The following NUBPL variants were observed in gnomAD, a reference collection of about 807,000 sequenced individuals.
The protein encoded by NUBPL is NUBP iron-sulfur cluster assembly factor, mitochondrial, also known as iron-sulfur cluster transfer protein NUBPL.
A neutral mutation model predicts 45.7 loss-of-function variants in NUBPL; 31 were observed. The ratio of observed to expected loss-of-function variants is 0.68; its 90% confidence interval spans 0.51 to 0.92. The LOEUF (loss-of-function observed/expected upper bound fraction) is 0.92, where lower values mean the gene tolerates loss of function less well. NUBPL is among the 40% of genes least tolerant of loss of function. The probability of loss-of-function intolerance (pLI) is 0.00; values close to 1 mark genes in which losing one functional copy is unlikely to be tolerated. For missense variants in NUBPL, 401 were observed against 398.7 expected, an observed-to-expected ratio of 1.01 and a Z score of -0.05; for synonymous variants, 144 against 140.9, an observed-to-expected ratio of 1.02 and a Z score of -0.15.
At chr14:31,670,611 A>G (rs988876601) in intron 4 of NUBPL, among the ~76,000 whole-genome samples, 1 of 152,150 alleles carries the variant, frequency 6.6e-6, no homozygotes, top group African/African-American at 2.4e-5. Context: ...TTTGGCTTTT[A>G]CATTTAAGTC....
Position 31,861,065 on chromosome 14 carries a change from A to C in NUBPL, c.*1885A>C, listed in dbSNP as rs2040706076. ...GATGGAAATGTTCTATATCACAGCT[A>C]TCGATGTCAGTATCCCAGTTGTGAT... On this transcript the variant is annotated 3_prime_UTR_variant, in exon 11 of 11. Coordinates refer to ENST00000281081, the MANE Select transcript of NUBPL (RefSeq NM_025152.3). 1 of 152,222 alleles carries C rather than the reference A, an allele frequency of 6.6e-6. No homozygotes were observed. The highest frequency in any genetic ancestry group is 2.4e-5 in the African/African-American group (1 of 41,456). 9.4% of individuals were successfully genotyped at this position (152,222 alleles called of 1,614,324 possible). A position where few individuals can be genotyped will look rare whatever the true frequency, so the allele number is the denominator to read the frequency against.
intron 3 of NUBPL, chr14:31,577,956 C>T: frequency 7.8e-7 from 1 of 1,288,834 alleles, no homozygotes; most frequent in Non-Finnish European, 1.0e-6. Context: ...ATGACTTTCA[C>T]AAGGTCGGGG....
At chr14:31,680,934 G>C (rs991089018) in intron 6 of NUBPL, among the ~76,000 whole-genome samples, 1 of 152,014 alleles carries the variant, frequency 6.6e-6, no homozygotes, top group African/African-American at 2.4e-5. Flanking sequence ...TACTTTTACT[G>C]CATTGCTGGA....
intron 4 of NUBPL, among the ~76,000 whole-genome samples, chr14:31,671,109 G>A (rs1051533180): frequency 3.2e-4 from 48 of 152,180 alleles, no homozygotes; most frequent in Non-Finnish European, 6.9e-4. Context: ...CATGTGCATG[G>A]GATGTTTCTC....
At chr14:31,696,276 TC>T (rs2037212997) in intron 6 of NUBPL, among the ~76,000 whole-genome samples, 1 of 152,224 alleles carries the variant, frequency 6.6e-6, no homozygotes, top group Non-Finnish European at 1.5e-5. Flanking sequence ...AGTTCTGTCA[TC>T]TTTGGAAGAG....
At chr14:31,822,645 T>G (rs1006998487) in intron 7 of NUBPL, among the ~76,000 whole-genome samples, 10 of 152,056 alleles carry the variant, frequency 6.6e-5, no homozygotes, top group Admixed American at 5.2e-4. Flanking sequence ...GACTTAATCA[T>G]TAATTAAGAA....
At chr14:31,673,663 C>A in intron 6 of NUBPL, 89 bp downstream of exon 6, 1 of 1,186,076 alleles carries the variant, frequency 8.4e-7, no homozygotes, top group Non-Finnish European at 1.3e-6. Flanking sequence ...AATTTGCATT[C>A]AGGAATCAGT....
At chr14:31,643,331 C>T (rs918912660) in intron 4 of NUBPL, among the ~76,000 whole-genome samples, 1 of 152,050 alleles carries the variant, frequency 6.6e-6, no homozygotes, top group Non-Finnish European at 1.5e-5. Context: ...TCCTTCCATA[C>T]CCAGTTTGTT....
At chr14:31,681,445 G>T (rs1164453517) in intron 6 of NUBPL, among the ~76,000 whole-genome samples, 1 of 146,696 alleles carries the variant, frequency 6.8e-6, no homozygotes, top group Non-Finnish European at 1.5e-5. Context: ...ATTCTTGATT[G>T]TTCTTGCCAG....
intron 4 of NUBPL, among the ~76,000 whole-genome samples, chr14:31,663,108 G>C (rs958274797): frequency 3.9e-5 from 6 of 152,010 alleles, no homozygotes; most frequent in Non-Finnish European, 8.8e-5. Context: ...TTGTAAATTT[G>C]TTTAAGTTCC....
intron 10 of NUBPL, among the ~76,000 whole-genome samples, chr14:31,854,832 G>T (rs1327716616): frequency 2.0e-5 from 3 of 152,084 alleles, no homozygotes; most frequent in Non-Finnish European, 2.9e-5. Context: ...TGCCTTGCAC[G>T]CAATACAAAC....
intron 6 of NUBPL, among the ~76,000 whole-genome samples, chr14:31,733,171 TTATATA>T (rs1218995578): frequency 7.2e-5 from 11 of 152,158 alleles, no homozygotes; most frequent in African/African-American, 2.4e-4. Flanking sequence ...AAAAAAATGT[TTATATA>T]TATAGATAGG....
intron 4 of NUBPL, 50 bp from the exon 5 acceptor site, chr14:31,673,305 T>C (rs753192491): frequency 1.4e-6 from 2 of 1,477,688 alleles, no homozygotes; most frequent in African/African-American, 1.4e-5. Context: ...TCAGAATGTT[T>C]ATGTGTTGTG....
intron 6 of NUBPL, among the ~76,000 whole-genome samples, chr14:31,780,262 G>A (rs1400128183): frequency 6.6e-6 from 1 of 151,690 alleles, no homozygotes; most frequent in Non-Finnish European, 1.5e-5. Context: ...TAGAGATGGG[G>A]TTTCACCAAG....
chr14:31,616,118 C>T (rs545834207), intron 4 of NUBPL, among the ~76,000 whole-genome samples: 2 of 152,226 alleles, frequency 1.3e-5, no homozygotes, highest in Admixed American at 6.5e-5. Flanking sequence ...TCTTCATATC[C>T]TTTGCCCACT....
chr14:31,782,424 C>T (rs747806100), intron 6 of NUBPL, among the ~76,000 whole-genome samples: 1 of 151,286 alleles, frequency 6.6e-6, no homozygotes, highest in Non-Finnish European at 1.5e-5. Context: ...CAAGAAACAC[C>T]TTTTGGCACA....
At chr14:31,801,513 A>G (rs979836989) in intron 7 of NUBPL, among the ~76,000 whole-genome samples, 2 of 152,258 alleles carry the variant, frequency 1.3e-5, no homozygotes, top group Non-Finnish European at 2.9e-5. Flanking sequence ...CCAGTAGTAC[A>G]GTCAAATTAG....
At position 31,643,760 on chromosome 14, in the gene NUBPL, G is replaced by A. The variant is rs572841095; in HGVS notation, c.383-29595G>A. On this transcript the variant is annotated intron_variant, in intron 4 of 10. Coordinates refer to ENST00000281081, the MANE Select transcript of NUBPL (RefSeq NM_025152.3). ...TAAATTTTTGGTAGAATTAAGCAGTGGAACCACCAGGTCCTGGGCTTTTCT... is the reference window on the plus strand; with the variant it reads ...TAAATTTTTGGTAGAATTAAGCAGTAGAACCACCAGGTCCTGGGCTTTTCT... 2.0e-5 allele frequency among the ~76,000 whole-genome samples: 3 copies of A among 152,100 alleles called. No homozygotes were observed. The South Asian group carries it at 6.2e-4, about 32-fold the overall frequency.
intron 3 of NUBPL, among the ~76,000 whole-genome samples, chr14:31,566,813 A>G (rs2033448593): frequency 6.6e-6 from 1 of 152,158 alleles, no homozygotes; most frequent in African/African-American, 2.4e-5. Context: ...AGAAGGATTC[A>G]ATCCACCATT....
Sources: allele counts gnomAD v4.1 joint callset (sites outside exome capture counted in the v4.1 genomes callset), GRCh38; gene constraint gnomAD v4.1.1; transcripts MANE v1.5; gene names NCBI Gene and HGNC (gene_info 2026-07-23, HGNC 2026-07-21).